CHST13: variants seen among roughly 807,000 people sequenced by gnomAD.
The protein encoded by CHST13 is carbohydrate sulfotransferase 13.
A neutral mutation model predicts 7.0 loss-of-function variants in CHST13; 1 was observed. That is an observed-to-expected ratio of 0.14 (90% CI 0.05 to 0.68). CHST13 has a LOEUF of 0.68. CHST13 is among the 30% of genes least tolerant of loss of function. CHST13 has a pLI of 0.82. For missense variants in CHST13, 572 were observed against 507.9 expected, an observed-to-expected ratio of 1.13 and a Z score of -1.21; for synonymous variants, 257 against 240.9, an observed-to-expected ratio of 1.07 and a Z score of -0.62.
Position 126,542,854 on chromosome 3 carries a change from G to A in CHST13, c.*276G>A. The A allele has an allele frequency of 2.8e-6, 1 of 351,346 alleles. No individual in the cohort carries two copies. The highest frequency in any genetic ancestry group is 5.0e-5 in the East Asian group (1 of 20,120). 21.8% of individuals were successfully genotyped at this position (351,346 alleles called of 1,614,324 possible). A position where few individuals can be genotyped will look rare whatever the true frequency, so the allele number is the denominator to read the frequency against. On this transcript the variant is annotated 3_prime_UTR_variant, in exon 3 of 3. Transcript: ENST00000319340. The stretch of plus-strand genomic sequence containing the variant: ...GCACCTCTCCAGGCCCCGTAGATGG[G>A]CAAGGACTTGATAACCAGGGTTTTA...
chr3:126,536,173 A>T (rs1936785886), intron 1 of CHST13, 98 bp from the exon 2 acceptor site: 1 of 932,776 alleles, frequency 1.1e-6, no homozygotes. Context: ...ATTGAGTGCC[A>T]GAGGTGGGTC....
intron 1 of CHST13, chr3:126,527,111 C>T (rs901306091): frequency 1.3e-5 from 2 of 152,338 alleles, no homozygotes; most frequent in Non-Finnish European, 2.9e-5. Flanking sequence ...ATTCCACTCC[C>T]GCGGCTGCAG....
intron 1 of CHST13, among the ~76,000 whole-genome samples, chr3:126,535,222 T>TAGAC (rs1936753977): frequency 2.5e-5 from 1 of 40,736 alleles, no homozygotes; most frequent in African/African-American, 9.1e-5. Context: ...CCCCAGCCGG[T>TAGAC]AGACAGACAG....
In CHST13 at chr3:126,524,399, C is replaced by G; in HGVS notation, c.67C>G (p.Leu23Val). 1.6e-6 allele frequency: 2 copies of G among 1,216,040 alleles called. No homozygotes were observed. The highest frequency in any genetic ancestry group is 6.4e-5 in the East Asian group (2 of 31,124). 75.3% of individuals were successfully genotyped at this position (1,216,040 alleles called of 1,614,324 possible). Residue 23 changes from leucine to valine, a missense_variant, in exon 1 of 3, where the codon CTA becomes GTA. Coordinates refer to ENST00000319340, the MANE Select transcript of CHST13 (RefSeq NM_152889.3). ...CTGTCTGGGCGCCGCGCTCCTGCTCCTATGCGCCGCGCCCCGCTCCCTGCG... is the reference window on the plus strand; with the variant it reads ...CTGTCTGGGCGCCGCGCTCCTGCTCGTATGCGCCGCGCCCCGCTCCCTGCG... ...AACLGAALLL[L>V]CAAPRSLRPA...
chr3:126,524,881 C>T (rs938169250), intron 1 of CHST13, among the ~76,000 whole-genome samples: 1 of 152,038 alleles, frequency 6.6e-6, no homozygotes, highest in East Asian at 1.9e-4. Context: ...GTGGGTGCCA[C>T]TCCCTGCTCC....
Position 126,541,747 on chromosome 3 carries a change from C to A in CHST13, c.195C>A (p.Thr65=), listed in dbSNP as rs942375618. 6.0e-6 allele frequency: 9 copies of A among 1,492,436 alleles called. No individual in the cohort carries two copies. Among genetic ancestry groups the A allele is most frequent in the Non-Finnish European group, 8.0e-6 (9 of 1,122,930 alleles). The allele number at this position is 1,492,436 out of a possible 1,614,324, so 92.4% of individuals were successfully genotyped here. A position where few individuals can be genotyped will look rare whatever the true frequency, so the allele number is the denominator to read the frequency against. ...LYDLDQDPRS[T]LAKVHRQRRD... is the part of the protein sequence containing the mutation. ...GTCGCCCACAGGACCCGCGCTCGAC[C>A]CTGGCGAAGGTGCACCGGCAGCGGC... The change falls in exon 3 of 3, where the codon ACC becomes ACA. Residue 65 remains threonine, a synonymous_variant. Coordinates refer to ENST00000319340, the MANE Select transcript of CHST13 (RefSeq NM_152889.3).
At chr3:126,534,620 C>G (rs1350445024) in intron 1 of CHST13, among the ~76,000 whole-genome samples, 1 of 151,614 alleles carries the variant, frequency 6.6e-6, no homozygotes, top group Non-Finnish European at 1.5e-5. Context: ...GACAGACACA[C>G]AGACAGCATC....
intron 2 of CHST13, among the ~76,000 whole-genome samples, chr3:126,541,044 C>A (rs974591702): frequency 6.6e-6 from 1 of 152,158 alleles, no homozygotes; most frequent in African/African-American, 2.4e-5. Flanking sequence ...AGCATGGAAG[C>A]GCTGGCCTGG....
In CHST13 at chr3:126,542,730, C is replaced by T. The variant is rs1027799898; in HGVS notation, c.*152C>T. On this transcript the variant is annotated 3_prime_UTR_variant, in exon 3 of 3. Transcript: ENST00000319340. ...GCCAGCGGGCGCAGGGCACACCTGG[C>T]CAGGCTTGGGGGCAGCCCATCTCAG... is the stretch of plus-strand genomic sequence containing the variant. The T allele has an allele frequency of 2.2e-5, 27 of 1,221,804 alleles. No homozygotes were observed. Among genetic ancestry groups the T allele is most frequent in the Non-Finnish European group, 2.5e-5 (24 of 947,196 alleles). The allele number at this position is 1,221,804 out of a possible 1,614,324, so 75.7% of individuals were successfully genotyped here.
rs1936983939 is a variant in CHST13, at chr3:126,542,397, G to A, written c.845G>A (p.Gly282Asp). The change falls in exon 3 of 3, where the codon GGC becomes GAC. Residue 282 changes from glycine (G) to aspartate (D), a missense_variant. Transcript: ENST00000319340. ...GCGGCCTTCGTGCTGGGCCTGGCGG[G>A]CGCATCCGACCTGAGCTTCCCTGGG... ...EDAAFVLGLA[G>D]ASDLSFPGPP... 1 of 1,555,248 alleles carries A rather than the reference G, an allele frequency of 6.4e-7. No homozygotes were observed. Among genetic ancestry groups the A allele is most frequent in the Non-Finnish European group, 8.7e-7 (1 of 1,152,940 alleles).
intron 1 of CHST13, chr3:126,529,513 G>T (rs2107562795): frequency 1.5e-6 from 1 of 645,252 alleles, no homozygotes; most frequent in South Asian, 1.8e-5. Flanking sequence ...AAGCTGTGAG[G>T]CCTCGGGCAA....
chr3:126,536,699 G>A (rs1298975727), intron 2 of CHST13, among the ~76,000 whole-genome samples: 1 of 151,946 alleles, frequency 6.6e-6, no homozygotes, highest in East Asian at 1.9e-4. Flanking sequence ...CTGCAGTGGG[G>A]AGGTGTGCAG....
At chr3:126,530,796 A>G (rs1936641479) in intron 1 of CHST13, among the ~76,000 whole-genome samples, 1 of 152,218 alleles carries the variant, frequency 6.6e-6, no homozygotes, top group Non-Finnish European at 1.5e-5. Flanking sequence ...CTGGAGACGC[A>G]AGGTCAAATG....
At chr3:126,539,606 T>A (rs1174514991) in intron 2 of CHST13, among the ~76,000 whole-genome samples, 6 of 55,412 alleles carry the variant, frequency 1.1e-4, no homozygotes, top group Admixed American at 4.1e-4. Flanking sequence ...CCCCACACAC[T>A]CCACACCACA....
chr3:126,534,976 TCCCTGTCCC>T (rs1936739538), intron 1 of CHST13, among the ~76,000 whole-genome samples: 1 of 136,918 alleles, frequency 7.3e-6, no homozygotes. Context: ...CAGACCAGCA[TCCCTGTCCC>T]CAGCCGGGAG....
At chr3:126,530,038 A>T (rs1240988425) in intron 1 of CHST13, among the ~76,000 whole-genome samples, 1 of 152,174 alleles carries the variant, frequency 6.6e-6, no homozygotes, top group African/African-American at 2.4e-5. Context: ...TGGATGCCCC[A>T]GTGTGGCCCT....
Position 126,542,549 on chromosome 3 carries a change from T to A in CHST13, c.997T>A (p.Ser333Thr). Residue 333 changes from serine to threonine, a missense_variant, in exon 3 of 3, where the codon TCC becomes ACC. By Grantham distance (58) the Ser-to-Thr change is moderately conservative (BLOSUM62 1). Transcript: ENST00000319340. The part of the protein sequence containing the change: ...YKMDFLLFNY[S>T]APSYLRLL ...GATGGACTTCCTGCTTTTCAACTACTCCGCCCCCTCCTACCTGCGGCTGCT... is the reference window on the plus strand; with the variant it reads ...GATGGACTTCCTGCTTTTCAACTACACCGCCCCCTCCTACCTGCGGCTGCT... 1 of 1,515,956 alleles carries A rather than the reference T, an allele frequency of 6.6e-7. No homozygotes were observed. The highest frequency in any genetic ancestry group is 8.8e-7 in the Non-Finnish European group (1 of 1,136,516). 93.9% of individuals were successfully genotyped at this position (1,515,956 alleles called of 1,614,324 possible).
chr3:126,528,597 G>C (rs1397005805), intron 1 of CHST13, among the ~76,000 whole-genome samples: 4 of 152,134 alleles, frequency 2.6e-5, no homozygotes, highest in Non-Finnish European at 5.9e-5. Context: ...GTTCCAGGGA[G>C]AGCCCTGGGG....
At chr3:126,529,123 T>C in intron 1 of CHST13, 1 of 406,822 alleles carries the variant, frequency 2.5e-6, no homozygotes, top group South Asian at 1.8e-5. Context: ...ATGATGGCTG[T>C]GCCCTCACCC....
Sources: gnomAD v4.1 joint callset for allele counts (sites outside exome capture counted in the v4.1 genomes callset) on GRCh38, gnomAD v4.1.1 for gene constraint, MANE v1.5 for transcripts, NCBI Gene and HGNC (gene_info 2026-07-23, HGNC 2026-07-21) for gene names.